WNT2B: variants seen among roughly 807,000 people sequenced by gnomAD.
The protein encoded by WNT2B is Wnt family member 2B.
In WNT2B, 19 loss-of-function variants were observed where a neutral mutation model predicts 40.5. The observed-to-expected ratio is 0.47, with a 90% CI of 0.33 to 0.69. WNT2B has a LOEUF of 0.69. Ranked by LOEUF, WNT2B falls within the 30% of genes least tolerant of loss-of-function variation. The pLI is 0.02. For missense variants in WNT2B, 467 were observed against 556.4 expected (o/e 0.84, Z 1.62); for synonymous variants, 220 against 211.9 (o/e 1.04, Z -0.33).
intron 1 of WNT2B, among the ~76,000 whole-genome samples, chr1:112,481,052 C>T (rs527887158): frequency 7.9e-5 from 12 of 151,976 alleles, no homozygotes; most frequent in African/African-American, 2.7e-4. Context: ...GCCTGTAATC[C>T]GAGCTACTCA....
Position 112,521,112 on chromosome 1 carries a change from A to G in WNT2B, c.*603A>G, listed in dbSNP as rs1652844339. On this transcript the variant is annotated 3_prime_UTR_variant, in exon 5 of 5. Coordinates refer to ENST00000369684, the MANE Select transcript of WNT2B (RefSeq NM_024494.3). ...TTGTAGAAGAAAAAGAATCATAACA[A>G]TACAAACACACATTCATTCTCTCTT... The G allele has an allele frequency of 6.5e-6, 1 of 152,972 alleles. No individual in the cohort carries two copies. The highest frequency in any genetic ancestry group is 2.4e-5 in the African/African-American group (1 of 41,428). The allele number at this position is 152,972 out of a possible 1,614,324, so 9.5% of individuals were successfully genotyped here.
intron 1 of WNT2B, among the ~76,000 whole-genome samples, chr1:112,514,060 C>G (rs1300338794): frequency 6.6e-6 from 1 of 152,190 alleles, no homozygotes; most frequent in Non-Finnish European, 1.5e-5. Flanking sequence ...TCTTTAGTAG[C>G]CCATCTCAAT....
intron 1 of WNT2B, among the ~76,000 whole-genome samples, chr1:112,514,281 GTCT>G (rs1254629453): frequency 1.1e-4 from 16 of 152,182 alleles, no homozygotes; most frequent in Admixed American, 7.9e-4. Flanking sequence ...AGAGGGTGGG[GTCT>G]TCCTCCCCGG....
intron 1 of WNT2B, among the ~76,000 whole-genome samples, chr1:112,487,443 C>G (rs1651450265): frequency 6.6e-6 from 1 of 152,130 alleles, no homozygotes; most frequent in African/African-American, 2.4e-5. Context: ...TTTAAGACAC[C>G]TAATCTGCTG....
Position 112,520,447 on chromosome 1 carries a change from A to C in WNT2B, c.1114A>C (p.Asn372His). 6.2e-7 allele frequency: 1 copy of C among 1,614,188 alleles called. No homozygotes were observed. The highest frequency in any genetic ancestry group is 8.5e-7 in the Non-Finnish European group (1 of 1,180,038). ...CCAVRCKECR[N>H]TVDVHTCKAP... The stretch of plus-strand genomic sequence containing the variant: ...TGCTGTACGGTGCAAGGAATGCAGA[A>C]ATACTGTGGACGTCCATACTTGCAA... Residue 372 changes from asparagine to histidine, a missense_variant, in exon 5 of 5, where the codon AAT becomes CAT. Asn to His is a moderately conservative substitution (Grantham distance 68). This residue lies in a region of WNT2B where 330 missense variants were observed against 438.6 expected (regional missense o/e 0.75). Transcript: ENST00000369684.
intron 1 of WNT2B, among the ~76,000 whole-genome samples, chr1:112,491,648 G>T (rs942529315): frequency 7.2e-5 from 11 of 152,166 alleles, no homozygotes; most frequent in Admixed American, 3.3e-4. Flanking sequence ...CACTTTGGGA[G>T]GCCAAGGCGG....
intron 1 of WNT2B, among the ~76,000 whole-genome samples, chr1:112,487,554 G>C (rs1371064615): frequency 6.6e-6 from 1 of 152,152 alleles, no homozygotes; most frequent in Non-Finnish European, 1.5e-5. Context: ...TTATAATAAA[G>C]TGTTGAATAT....
chr1:112,513,373 A>G (rs1652421135), intron 1 of WNT2B, among the ~76,000 whole-genome samples: 1 of 152,188 alleles, frequency 6.6e-6, no homozygotes, highest in African/African-American at 2.4e-5. Flanking sequence ...TGCTGATTCC[A>G]TGGGATTTGT....
At chr1:112,477,723 T>A (rs1214999339) in intron 1 of WNT2B, among the ~76,000 whole-genome samples, 2 of 151,934 alleles carry the variant, frequency 1.3e-5, no homozygotes, top group Non-Finnish European at 2.9e-5. Flanking sequence ...AGTTGAAGAA[T>A]ACAATGAATG....
intron 1 of WNT2B, among the ~76,000 whole-genome samples, chr1:112,471,921 A>G (rs189277731): frequency 1.3e-5 from 2 of 152,364 alleles, no homozygotes; most frequent in Non-Finnish European, 2.9e-5. Context: ...TGCAGTGTAC[A>G]TAATTATAAA....
upstream of WNT2B, among the ~76,000 whole-genome samples, chr1:112,505,673 G>A (rs1366382158): frequency 6.6e-6 from 1 of 152,198 alleles, no homozygotes; most frequent in African/African-American, 2.4e-5. Context: ...TTTGAGATTT[G>A]AAGCTCCAAA....
chr1:112,516,053 G>T, intron 2 of WNT2B, 87 bp from the exon 3 acceptor site: 1 of 1,504,220 alleles, frequency 6.6e-7, no homozygotes, highest in Non-Finnish European at 9.0e-7. Flanking sequence ...TAGGGAAGAG[G>T]TTTCAGAGTC....
intron 1 of WNT2B, among the ~76,000 whole-genome samples, chr1:112,468,589 G>T (rs1650777223): frequency 6.6e-6 from 1 of 151,942 alleles, no homozygotes; most frequent in South Asian, 2.1e-4. Context: ...TTGGCCATTT[G>T]TCAGTCTTCA....
chr1:112,473,472 C>A (rs1360525335), intron 1 of WNT2B, among the ~76,000 whole-genome samples: 1 of 151,552 alleles, frequency 6.6e-6, no homozygotes, highest in Admixed American at 6.6e-5. Flanking sequence ...ATGAGATTAG[C>A]AACAGATTAC....
upstream of WNT2B, among the ~76,000 whole-genome samples, chr1:112,504,877 A>G (rs1652065251): frequency 6.6e-6 from 1 of 152,044 alleles, no homozygotes; most frequent in Non-Finnish European, 1.5e-5. Flanking sequence ...GGGCCCAGGG[A>G]AGGGGAGCCT....
At chr1:112,517,417 T>C in intron 4 of WNT2B, 32 bp downstream of exon 4, 1 of 1,576,758 alleles carries the variant, frequency 6.3e-7, no homozygotes, top group East Asian at 2.3e-5. Flanking sequence ...GGACATGCAG[T>C]CCCAGTTCTT....
intron 1 of WNT2B, among the ~76,000 whole-genome samples, chr1:112,512,023 C>T (rs7547330): frequency 0.013 from 2,029 of 151,688 alleles, 63 homozygotes; most frequent in African/African-American, 0.047. Flanking sequence ...GTTCAAAGTT[C>T]TATATGTGCT....
At chr1:112,511,375 C>A (rs1652343512) in intron 1 of WNT2B, among the ~76,000 whole-genome samples, 1 of 152,140 alleles carries the variant, frequency 6.6e-6, no homozygotes, top group African/African-American at 2.4e-5. Flanking sequence ...CCTGTCATAG[C>A]TACAGGCCCA....
In WNT2B at chr1:112,480,391, C is replaced by T. The variant is rs548836167; in HGVS notation, c.-95+12800C>T. On this transcript the variant is annotated intron_variant, in intron 1 of 4. Transcript: ENST00000256640. The stretch of plus-strand genomic sequence containing the variant: ...AAAAAAAAAAAAAAAAAAGAGAAGA[C>T]AGTACAACCGATACCACAGAAACAA... 1.0e-3 allele frequency among the ~76,000 whole-genome samples: 150 copies of T among 144,682 alleles called. 2 individuals are homozygous for T. The highest frequency in any genetic ancestry group is 2.7e-4 in the Non-Finnish European group (18 of 66,332). The allele number at this position is 144,682 out of a possible 152,430, so 94.9% of individuals were successfully genotyped here. A position where few individuals can be genotyped will look rare whatever the true frequency, so the allele number is the denominator to read the frequency against.
Sources: gnomAD v4.1 joint callset for allele counts (sites outside exome capture counted in the v4.1 genomes callset) on GRCh38, gnomAD v4.1.1 for gene constraint, gnomAD v4.1.1 regional missense constraint, MANE v1.5 for transcripts, NCBI Gene and HGNC (gene_info 2026-07-23, HGNC 2026-07-21) for gene names.